The following MKNK2 variants were observed in gnomAD, a reference collection of about 807,000 sequenced individuals.
The protein encoded by MKNK2 is MAP kinase-interacting serine/threonine-protein kinase 2.
A neutral mutation model predicts 55.0 loss-of-function variants in MKNK2; 54 were observed. The ratio of observed to expected loss-of-function variants is 0.98; its 90% confidence interval spans 0.79 to 1.23. MKNK2 has a LOEUF of 1.23. MKNK2 is among the 50% of genes most tolerant of loss of function. The pLI is 0.00. For synonymous variants in MKNK2, 323 were observed against 256.0 expected (o/e 1.26, Z -2.50); for missense variants, 685 against 632.1 (o/e 1.08, Z -0.90).
At chr19:2,049,364 G>A (rs1479569058) in intron 2 of MKNK2, among the ~76,000 whole-genome samples, 1 of 152,242 alleles carries the variant, frequency 6.6e-6, no homozygotes, top group Non-Finnish European at 1.5e-5. Context: ...AGCCGTGCAT[G>A]GTGGGGGCTG....
intron 2 of MKNK2, 53 bp downstream of exon 2, chr19:2,050,748 G>T: frequency 1.3e-6 from 2 of 1,501,490 alleles, no homozygotes; most frequent in South Asian, 1.2e-5. Context: ...CCCCCACGCC[G>T]GCCATTCCGG....
intron 2 of MKNK2, among the ~76,000 whole-genome samples, chr19:2,050,600 G>A (rs1230941948): frequency 6.6e-6 from 1 of 152,178 alleles, no homozygotes; most frequent in Non-Finnish European, 1.5e-5. Flanking sequence ...CATGGCTGGA[G>A]AGAGGACTGT....
chr19:2,039,037 G>GCTGCCTGCCAC lies in MKNK2; in HGVS notation c.*565_*575dup, dbSNP rs2016815733. ...GGGATCCCATGGGGTGGGTGGGTGA[G>GCTGCCTGCCAC]CTGCCTGCCACCTGCCTGCCTGACA... is the stretch of plus-strand genomic sequence containing the variant. On this transcript the variant is annotated 3_prime_UTR_variant, in exon 14 of 14. Transcript: ENST00000250896. 1.0e-6 allele frequency: 1 copy of GCTGCCTGCCAC among 986,304 alleles called. No individual in the cohort carries two copies. The highest frequency in any genetic ancestry group is 1.2e-6 in the Non-Finnish European group (1 of 830,374). The allele number at this position is 986,304 out of a possible 1,614,324, so 61.1% of individuals were successfully genotyped here.
intron 2 of MKNK2, among the ~76,000 whole-genome samples, chr19:2,050,310 C>A (rs2017087165): frequency 6.6e-6 from 1 of 152,348 alleles, no homozygotes; most frequent in Admixed American, 6.5e-5. Context: ...CCTGACCAGC[C>A]CGGCCTGGGG....
At position 2,046,407 on chromosome 19, in the gene MKNK2, C is replaced by A; in HGVS notation, c.201G>T (p.Lys67Asn). Reference protein sequence around the residue: ...PDAKKRGKKKKRGRATDSFSG... With the variant: ...PDAKKRGKKKNRGRATDSFSG... ...AGAAGCTGTCGGTGGCCCGGCCGCG[C>A]TTCTTCTTCTTGCCCCTCTTCTTGG... Residue 67 changes from lysine (K) to asparagine (N), a missense_variant, in exon 4 of 14, where the codon AAG becomes AAT. By Grantham distance (94) the Lys-to-Asn change is moderately conservative. Transcript: ENST00000250896. The A allele has an allele frequency of 6.2e-7, 1 of 1,608,750 alleles. No homozygotes were observed. The highest frequency in any genetic ancestry group is 1.1e-5 in the South Asian group (1 of 91,070).
chr19:2,040,964 G>A, intron 12 of MKNK2, 76 bp downstream of exon 12: 3 of 1,432,234 alleles, frequency 2.1e-6, no homozygotes, highest in South Asian at 1.2e-5. Context: ...ACACCCTCAG[G>A]GCTTCCCATG....
At chr19:2,051,057 G>A (rs2017107977) in intron 1 of MKNK2, 39 bp downstream of exon 1, 1 of 344,416 alleles carries the variant, frequency 2.9e-6, no homozygotes, top group Admixed American at 5.0e-5. Context: ...CCCGCTACCG[G>A]GTCGGTGTCC....
intron 2 of MKNK2, among the ~76,000 whole-genome samples, chr19:2,047,201 G>C (rs2017019682): frequency 6.6e-6 from 1 of 152,190 alleles, no homozygotes; most frequent in Non-Finnish European, 1.5e-5. Context: ...TGTCCCCCAG[G>C]AGACACTGGG....
At position 2,037,530 on chromosome 19, in the gene MKNK2, CAGTT is replaced by C. The variant is rs2016772839; in HGVS notation, c.*2079_*2082del. On this transcript the variant is annotated 3_prime_UTR_variant, in exon 14 of 14. Coordinates refer to ENST00000250896, the MANE Select transcript of MKNK2 (RefSeq NM_199054.3). ...ACAGAATACAAAATTCCGGCATTGA[CAGTT>C]GGTGTAAAGGAAAACTTCTGAGCTC... 7 of 396,214 alleles carry C rather than the reference CAGTT, an allele frequency of 1.8e-5. No homozygotes were observed. Among genetic ancestry groups the C allele is most frequent in the East Asian group, 1.1e-4 (3 of 26,906 alleles). The allele number at this position is 396,214 out of a possible 1,614,324, so 24.5% of individuals were successfully genotyped here. A position where few individuals can be genotyped will look rare whatever the true frequency, so the allele number is the denominator to read the frequency against.
chr19:2,040,218 G>A (rs1238254502), intron 12 of MKNK2, 41 bp from the exon 13 acceptor site: 9 of 1,495,524 alleles, frequency 6.0e-6, no homozygotes, highest in Non-Finnish European at 8.1e-6. Context: ...GAGAGCAGCT[G>A]GGGCCGCCTG....
intron 2 of MKNK2, 26 bp from the exon 3 acceptor site, chr19:2,046,717 A>C: frequency 1.3e-6 from 2 of 1,483,402 alleles, no homozygotes; most frequent in Non-Finnish European, 1.8e-6. Flanking sequence ...GAGGAGAGGC[A>C]CTCAGGCCCC....
At position 2,039,494 on chromosome 19, in the gene MKNK2, T is replaced by C; in HGVS notation, c.*119A>G. 4.9e-6 allele frequency: 7 copies of C among 1,442,572 alleles called. No homozygotes were observed. The highest frequency in any genetic ancestry group is 6.4e-6 in the Non-Finnish European group (7 of 1,097,670). The allele number at this position is 1,442,572 out of a possible 1,614,324, so 89.4% of individuals were successfully genotyped here. Reference sequence around the variant, plus strand: ...AAACACCCCCCTCAGCTGAGCTTAGTGCCTGGGAATCCAGGCAGAGGAGGG... The same window carrying C: ...AAACACCCCCCTCAGCTGAGCTTAGCGCCTGGGAATCCAGGCAGAGGAGGG... On this transcript the variant is annotated 3_prime_UTR_variant, in exon 14 of 14. Transcript: ENST00000250896.
Position 2,046,772 on chromosome 19 carries a change from C to G in MKNK2, c.52-81G>C, listed in dbSNP as rs1399781328. 1.6e-5 allele frequency: 18 copies of G among 1,129,650 alleles called. No homozygotes were observed. The East Asian group carries it at 4.7e-4, about 30-fold the overall frequency. The allele number at this position is 1,129,650 out of a possible 1,614,324, so 70.0% of individuals were successfully genotyped here. On this transcript the variant is annotated intron_variant, in intron 2 of 13. Coordinates refer to ENST00000250896, the MANE Select transcript of MKNK2 (RefSeq NM_199054.3). ...GGAGACCTATCCTGCCCCAGTGTCG[C>G]AGCGTCCACACTGACAAGCCCTGCG...
At chr19:2,048,522 G>A (rs375391389) in intron 2 of MKNK2, among the ~76,000 whole-genome samples, 46 of 152,164 alleles carry the variant, frequency 3.0e-4, no homozygotes, top group African/African-American at 9.6e-4. Flanking sequence ...CAGAGGTGGC[G>A]GGGGTCCCAG....
intron 13 of MKNK2, 105 bp from the exon 14 acceptor site, chr19:2,039,961 C>T: frequency 1.4e-6 from 2 of 1,435,698 alleles, no homozygotes; most frequent in Non-Finnish European, 1.9e-6. Context: ...CCCCTCCCAG[C>T]CCCCACCCTG....
intron 5 of MKNK2, among the ~76,000 whole-genome samples, chr19:2,045,554 C>T (rs1045688754): frequency 6.6e-6 from 1 of 152,106 alleles, no homozygotes. Flanking sequence ...AAGCTCTAGC[C>T]TGGCCGTCCA....
chr19:2,040,861 G>A (rs1420980491), intron 12 of MKNK2, 179 bp downstream of exon 12: 12 of 653,922 alleles, frequency 1.8e-5, no homozygotes, highest in Non-Finnish European at 2.8e-5. Flanking sequence ...CGGGCACCGT[G>A]CACAGGCGGG....
Position 2,039,298 on chromosome 19 carries a change from C to T in MKNK2, c.*315G>A, listed in dbSNP as rs967922095. 1.7e-6 allele frequency: 2 copies of T among 1,201,040 alleles called. No homozygotes were observed. Among genetic ancestry groups the T allele is most frequent in the African/African-American group, 3.1e-5 (2 of 65,194 alleles). 74.4% of individuals were successfully genotyped at this position (1,201,040 alleles called of 1,614,324 possible). ...GGGCAGCACAGGTGACCTGGGGGCA[C>T]CTTCATAGTAGAGGTGAGCAGGGCG... On this transcript the variant is annotated 3_prime_UTR_variant, in exon 14 of 14. Transcript: ENST00000250896.
chr19:2,047,629 T>C (rs1279435669), intron 2 of MKNK2, among the ~76,000 whole-genome samples: 1 of 152,094 alleles, frequency 6.6e-6, no homozygotes, highest in Non-Finnish European at 1.5e-5. Flanking sequence ...CTGGTGGCTG[T>C]GCCTGCTTTC....
Sources: gnomAD v4.1 joint callset for allele counts (sites outside exome capture counted in the v4.1 genomes callset) on GRCh38, gnomAD v4.1.1 for gene constraint, MANE v1.5 for transcripts, NCBI Gene and HGNC (gene_info 2026-07-23, HGNC 2026-07-21) for gene names.